PTDSS1: variants seen among roughly 807,000 people sequenced by gnomAD.
The protein encoded by PTDSS1 is PSS-1.
A neutral mutation model predicts 70.5 loss-of-function variants in PTDSS1; 45 were observed. The ratio of observed to expected loss-of-function variants is 0.64; its 90% CI spans 0.50 to 0.82. The LOEUF is 0.82. Among genes scored for constraint, PTDSS1 ranks in the 40% least tolerant of loss-of-function variants. The probability of loss-of-function intolerance (pLI) is 0.00; values close to 1 mark genes in which losing one functional copy is unlikely to be tolerated. For missense variants in PTDSS1, 417 were observed against 586.1 expected (o/e 0.71, Z 2.98); for synonymous variants, 188 against 203.8 (o/e 0.92, Z 0.66).
chr8:96,286,567 A>G (rs1278071759), intron 3 of PTDSS1, among the ~76,000 whole-genome samples: 1 of 152,184 alleles, frequency 6.6e-6, no homozygotes, highest in African/African-American at 2.4e-5. Flanking sequence ...CACTTAACTT[A>G]CAATCATATC....
chr8:96,310,857 C>T (rs1199890612), intron 9 of PTDSS1, among the ~76,000 whole-genome samples: 1 of 151,944 alleles, frequency 6.6e-6, no homozygotes, highest in Non-Finnish European at 1.5e-5. Context: ...CCTCCGCCTC[C>T]CAGGTTCAAG....
intron 5 of PTDSS1, among the ~76,000 whole-genome samples, chr8:96,299,226 T>C (rs2130091868): frequency 6.6e-6 from 1 of 152,318 alleles, no homozygotes; most frequent in South Asian, 2.1e-4. Context: ...AAGAGCTAAC[T>C]GTTCTTTTAC....
intron 7 of PTDSS1, among the ~76,000 whole-genome samples, chr8:96,304,429 G>A (rs1811095943): frequency 2.0e-5 from 3 of 152,294 alleles, no homozygotes; most frequent in Non-Finnish European, 2.9e-5. Flanking sequence ...ATTAGATTCC[G>A]TGAAATAATT....
intron 5 of PTDSS1, among the ~76,000 whole-genome samples, chr8:96,298,795 A>G (rs1477315019): frequency 1.3e-5 from 2 of 152,118 alleles, no homozygotes; most frequent in Non-Finnish European, 2.9e-5. Context: ...TGATCCCAGC[A>G]CTTTGGGAGG....
intron 9 of PTDSS1, among the ~76,000 whole-genome samples, chr8:96,314,086 C>T (rs1811249558): frequency 6.6e-6 from 1 of 152,086 alleles, no homozygotes; most frequent in South Asian, 2.1e-4. Flanking sequence ...CTGTGTTGCC[C>T]AGGCTGGAGT....
intron 1 of PTDSS1, among the ~76,000 whole-genome samples, chr8:96,271,215 C>G (rs1485180531): frequency 1.3e-5 from 2 of 152,150 alleles, no homozygotes; most frequent in African/African-American, 4.8e-5. Context: ...CAGTGACATC[C>G]TGTGCAAGCA....
In PTDSS1 at chr8:96,299,863, T is replaced by G; in HGVS notation, c.752+18T>G. Reference sequence around the variant, plus strand: ...AGCTTCAAGTGAGTTGCCTTCTTTTTGGATATTAGTCACAGTTTTTCATGA... The same window carrying G: ...AGCTTCAAGTGAGTTGCCTTCTTTTGGGATATTAGTCACAGTTTTTCATGA... On this transcript the variant is annotated intron_variant, in intron 6 of 12. Coordinates refer to ENST00000517309, the MANE Select transcript of PTDSS1 (RefSeq NM_014754.3). The G allele has an allele frequency of 6.3e-7, 1 of 1,597,192 alleles. No individual in the cohort carries two copies. The highest frequency in any genetic ancestry group is 8.5e-7 in the Non-Finnish European group (1 of 1,175,110).
At chr8:96,332,429 G>C (rs1403953581) in intron 12 of PTDSS1, among the ~76,000 whole-genome samples, 1 of 152,200 alleles carries the variant, frequency 6.6e-6, no homozygotes, top group Non-Finnish European at 1.5e-5. Flanking sequence ...TTTGGCATCA[G>C]GCTCATTAAA....
At chr8:96,269,922 G>C (rs1337504667) in intron 1 of PTDSS1, among the ~76,000 whole-genome samples, 4 of 152,322 alleles carry the variant, frequency 2.6e-5, no homozygotes, top group South Asian at 2.1e-4. Flanking sequence ...ACTCATGATA[G>C]TAACGGACAC....
intron 10 of PTDSS1, among the ~76,000 whole-genome samples, chr8:96,329,672 A>G (rs1811485606): frequency 6.6e-6 from 1 of 152,130 alleles, no homozygotes; most frequent in Non-Finnish European, 1.5e-5. Context: ...AAAACAAAGC[A>G]ATAAAAACTG....
rs192805606 is a variant in PTDSS1, at chr8:96,262,502, A to T, written c.179+283A>T. Among the ~76,000 whole-genome samples, 71 of 152,014 alleles carry T rather than the reference A, an allele frequency of 4.7e-4. No individual in the cohort carries two copies. The East Asian group carries it at 0.012, about 27-fold the overall frequency. On this transcript the variant is annotated intron_variant, in intron 1 of 12. Transcript: ENST00000517309. This position sits in a 1 kb window ranked among gnomAD's most constrained non-coding sequence, Gnocchi z 4.4. ...ACCTAGCACGATCGCCCCCTCACCC[A>T]CCGCACTCAGCATCGCTCCACACAA...
chr8:96,315,225 A>G (rs965784331), intron 9 of PTDSS1, among the ~76,000 whole-genome samples: 1 of 152,180 alleles, frequency 6.6e-6, no homozygotes, highest in African/African-American at 2.4e-5. Flanking sequence ...TTGAGTTAAC[A>G]TGGATACACA....
chr8:96,300,578 G>A (rs567578480), intron 6 of PTDSS1, among the ~76,000 whole-genome samples: 39 of 152,308 alleles, frequency 2.6e-4, no homozygotes, highest in African/African-American at 9.1e-4. Flanking sequence ...TTTGCAGCAC[G>A]AATCATGCCA....
rs770310484 is a variant in PTDSS1, at chr8:96,333,732, C to G, written c.*166C>G. The G allele has an allele frequency of 5.3e-6, 4 of 753,202 alleles. No homozygotes were observed. Among genetic ancestry groups the G allele is most frequent in the Non-Finnish European group, 9.3e-6 (4 of 429,066 alleles). 46.7% of individuals were successfully genotyped at this position (753,202 alleles called of 1,614,324 possible). ...ATCGTAAGTCTTGTTTCCCACAGAC[C>G]TGGCCGCGTCAGGCAGATCATCGCC... On this transcript the variant is annotated 3_prime_UTR_variant, in exon 13 of 13. Transcript: ENST00000517309.
intron 9 of PTDSS1, among the ~76,000 whole-genome samples, chr8:96,314,802 T>C (rs1347279544): frequency 1.3e-5 from 2 of 152,140 alleles, no homozygotes; most frequent in Non-Finnish European, 2.9e-5. Context: ...TTCACCATGT[T>C]AGCCAGGATG....
intron 4 of PTDSS1, among the ~76,000 whole-genome samples, chr8:96,288,213 C>G (rs1047073713): frequency 9.9e-5 from 15 of 152,120 alleles, no homozygotes. Context: ...AGGGCAGAAG[C>G]TTCTGTCTCT....
At chr8:96,284,825 C>G (rs1193830755) in intron 3 of PTDSS1, among the ~76,000 whole-genome samples, 1 of 152,182 alleles carries the variant, frequency 6.6e-6, no homozygotes, top group African/African-American at 2.4e-5. Flanking sequence ...TAAGAAATTG[C>G]TATTTTGCTA....
intron 2 of PTDSS1, among the ~76,000 whole-genome samples, chr8:96,279,742 C>A (rs901248086): frequency 1.3e-5 from 2 of 151,968 alleles, no homozygotes; most frequent in South Asian, 4.1e-4. Flanking sequence ...TTGCATGAAC[C>A]CGGGAGGCGG....
intron 8 of PTDSS1, among the ~76,000 whole-genome samples, chr8:96,308,429 T>C (rs1237451725): frequency 3.3e-5 from 5 of 152,242 alleles, no homozygotes; most frequent in African/African-American, 1.2e-4. Flanking sequence ...TGAACTTTAA[T>C]GCAAAGTGTT....
Sources: gnomAD v4.1 joint callset for allele counts (sites outside exome capture counted in the v4.1 genomes callset) on GRCh38, gnomAD v4.1.1 for gene constraint, Gnocchi (gnomAD v3.1) non-coding constraint, MANE v1.5 for transcripts, NCBI Gene and HGNC (gene_info 2026-07-23, HGNC 2026-07-21) for gene names.